The following PRSS38 variants were observed in gnomAD, a reference collection of about 807,000 sequenced individuals.
PRSS38 encodes serine protease 38, also known as marapsin 2.
PRSS38 carries 22 observed loss-of-function variants against 26.8 expected under a neutral mutation model. That is an observed-to-expected ratio of 0.82 (90% CI 0.59 to 1.17). PRSS38 has a LOEUF of 1.17. Ranked by LOEUF, PRSS38 falls within the 50% of genes most tolerant of loss-of-function variation. The pLI, the probability that PRSS38 is intolerant of heterozygous loss-of-function variation, is 0.00. For synonymous variants in PRSS38, 175 were observed against 172.1 expected, an observed-to-expected ratio of 1.02 and a Z score of -0.13; for missense variants, 427 against 422.7, an observed-to-expected ratio of 1.01 and a Z score of -0.09.
chr1:227,818,045 T>G, intron 3 of PRSS38, among the ~76,000 whole-genome samples: 1 of 152,238 alleles, frequency 6.6e-6, no homozygotes, highest in East Asian at 1.9e-4. Context: ...GATAATATTT[T>G]CTTCTAGTAA....
chr1:227,818,160 G>T (rs1022153714), intron 3 of PRSS38, among the ~76,000 whole-genome samples: 1 of 152,050 alleles, frequency 6.6e-6, no homozygotes, highest in Non-Finnish European at 1.5e-5. Flanking sequence ...ATCTTGTCTT[G>T]GTTTTGGTTT....
chr1:227,840,343 G>A (rs937025169), intron 3 of PRSS38, among the ~76,000 whole-genome samples: 5 of 151,942 alleles, frequency 3.3e-5, no homozygotes, highest in African/African-American at 9.7e-5. Context: ...GGCTGGTCTC[G>A]AACTCCTGGG....
intron 3 of PRSS38, among the ~76,000 whole-genome samples, chr1:227,844,689 C>G (rs2102687196): frequency 6.8e-6 from 1 of 147,616 alleles, no homozygotes; most frequent in South Asian, 2.2e-4. Context: ...CAGGGCTTTT[C>G]CCTATGTGTG....
At chr1:227,825,931 G>A (rs1665067630) in intron 3 of PRSS38, among the ~76,000 whole-genome samples, 1 of 152,134 alleles carries the variant, frequency 6.6e-6, no homozygotes, top group South Asian at 2.1e-4. Flanking sequence ...GTCAATGGTA[G>A]TTTAATGGGA....
chr1:227,821,888 T>A (rs1341497963), intron 3 of PRSS38, among the ~76,000 whole-genome samples: 1 of 152,170 alleles, frequency 6.6e-6, no homozygotes, highest in Non-Finnish European at 1.5e-5. Context: ...ATTGCAAAAT[T>A]TTGGACCATT....
At chr1:227,821,014 C>T (rs1342379908) in intron 3 of PRSS38, among the ~76,000 whole-genome samples, 1 of 152,158 alleles carries the variant, frequency 6.6e-6, no homozygotes, top group Non-Finnish European at 1.5e-5. Flanking sequence ...AGTTATTTCA[C>T]AAATTTATAA....
chr1:227,829,540 A>G (rs1665122011), intron 3 of PRSS38, among the ~76,000 whole-genome samples: 1 of 152,102 alleles, frequency 6.6e-6, no homozygotes, highest in Admixed American at 6.6e-5. Context: ...ATATACTTAT[A>G]CTTTTATTGT....
exon 3 of PRSS38, chr1:227,817,336 A>G (rs777858776): frequency 6.2e-7 from 1 of 1,614,188 alleles, no homozygotes; most frequent in South Asian, 1.1e-5. Context: ...GTACCACCCC[A>G]TCGGAGGTGA....
At chr1:227,827,679 G>GTC (rs1301985986) in intron 3 of PRSS38, among the ~76,000 whole-genome samples, 1 of 148,950 alleles carries the variant, frequency 6.7e-6, no homozygotes, top group African/African-American at 2.5e-5. Context: ...GGTTTTCCAT[G>GTC]TCTCTCTCTC....
intron 3 of PRSS38, among the ~76,000 whole-genome samples, chr1:227,835,564 G>A (rs1433841862): frequency 6.6e-6 from 1 of 152,212 alleles, no homozygotes; most frequent in African/African-American, 2.4e-5. Context: ...GGTGGAAACA[G>A]CCCACATGTC....
At chr1:227,840,140 A>G (rs1307098317) in intron 3 of PRSS38, among the ~76,000 whole-genome samples, 2 of 151,900 alleles carry the variant, frequency 1.3e-5, no homozygotes, top group African/African-American at 4.8e-5. Flanking sequence ...TTAAAATCTT[A>G]TTTTATATTT....
chr1:227,828,311 G>C (rs1284113669), intron 3 of PRSS38, among the ~76,000 whole-genome samples: 1 of 152,192 alleles, frequency 6.6e-6, no homozygotes, highest in Admixed American at 6.5e-5. Context: ...CACTATTACT[G>C]TGTGGGAGTC....
chr1:227,836,326 A>T (rs1419433451), intron 3 of PRSS38, among the ~76,000 whole-genome samples: 2 of 151,900 alleles, frequency 1.3e-5, no homozygotes, highest in Non-Finnish European at 2.9e-5. Flanking sequence ...GCCTCAAGGG[A>T]TCCTCCCGCT....
At chr1:227,829,616 G>A (rs1665122970) in intron 3 of PRSS38, among the ~76,000 whole-genome samples, 1 of 152,098 alleles carries the variant, frequency 6.6e-6, no homozygotes, top group Non-Finnish European at 1.5e-5. Flanking sequence ...TGTGAATGCA[G>A]TTTTCTCAAT....
At chr1:227,836,101 T>A (rs992572948) in intron 3 of PRSS38, among the ~76,000 whole-genome samples, 3 of 139,922 alleles carry the variant, frequency 2.1e-5, no homozygotes, top group Non-Finnish European at 3.2e-5. Context: ...GTTTGTTTTT[T>A]ACTTTTTTTT....
intron 3 of PRSS38, among the ~76,000 whole-genome samples, chr1:227,832,326 T>A (rs1360399804): frequency 1.3e-5 from 2 of 152,214 alleles, no homozygotes; most frequent in African/African-American, 4.8e-5. Context: ...GGATTTAAAT[T>A]TGCCATTTTG....
In PRSS38 at chr1:227,816,178, C is replaced by T. The variant is rs112241411; in HGVS notation, c.237C>T (p.Tyr79=). 4,657 of 1,613,612 alleles carry T rather than the reference C, an allele frequency of 2.9e-3. 127 individuals are homozygous for T. The African/African-American group carries it at 0.056, about 19-fold the overall frequency. Reference sequence around the variant, plus strand: ...GGCCGTGGCAGGTCAGCGTGCACTACGCAGGCCTCCACGTCTGCGGCGGCT... The same window carrying T: ...GGCCGTGGCAGGTCAGCGTGCACTATGCAGGCCTCCACGTCTGCGGCGGCT... The change falls in exon 2 of 5, where the codon TAC becomes TAT. Residue 79 remains tyrosine, a synonymous_variant. Coordinates refer to ENST00000366757, the Ensembl canonical transcript of PRSS38. The surrounding 1 kb of genome is among the most constrained non-coding windows in gnomAD (Gnocchi z 5.1).
At chr1:227,837,775 A>T (rs753706255) in intron 3 of PRSS38, among the ~76,000 whole-genome samples, 3 of 152,042 alleles carry the variant, frequency 2.0e-5, no homozygotes, top group Non-Finnish European at 2.9e-5. Context: ...CATCTTTTTC[A>T]TTTCAGTTAT....
exon 5 of PRSS38, chr1:227,846,012 T>C: frequency 1.2e-6 from 2 of 1,614,174 alleles, no homozygotes; most frequent in Non-Finnish European, 1.7e-6. Flanking sequence ...CAGATTGGAA[T>C]TGTGAGCTGG....
Sources: allele counts gnomAD v4.1 joint callset (sites outside exome capture counted in the v4.1 genomes callset), GRCh38; gene constraint gnomAD v4.1.1; non-coding constraint Gnocchi (gnomAD v3.1); transcripts MANE v1.5; gene names NCBI Gene and HGNC (gene_info 2026-07-23, HGNC 2026-07-21).